Variants in PTGS1 observed in about 807,000 individuals in gnomAD.
The protein encoded by PTGS1 is prostaglandin-endoperoxide synthase 1.
Under a neutral mutation model 63.0 loss-of-function variants are expected in PTGS1, and 40 were observed. The observed-to-expected ratio is 0.63, with a 90% CI of 0.49 to 0.83. The LOEUF is 0.83. Ranked by LOEUF, PTGS1 falls within the 40% of genes least tolerant of loss-of-function variation. The probability of loss-of-function intolerance (pLI) is 0.00; values close to 1 mark genes in which losing one functional copy is unlikely to be tolerated. For synonymous variants in PTGS1, 298 were observed against 301.9 expected, an observed-to-expected ratio of 0.99 and a Z score of 0.13; for missense variants, 709 against 786.5, an observed-to-expected ratio of 0.90 and a Z score of 1.18.
chr9:122,376,752 G>GT (rs1837192701), intron 2 of PTGS1, among the ~76,000 whole-genome samples: 1 of 152,208 alleles, frequency 6.6e-6, no homozygotes, highest in Admixed American at 6.5e-5. Flanking sequence ...TTTTTGGTCT[G>GT]CCCAGCTCTG....
In PTGS1 at chr9:122,381,654, C is replaced by G; in HGVS notation, c.679-10C>G. The G allele has an allele frequency of 6.2e-7, 1 of 1,614,064 alleles. No homozygotes were observed. The highest frequency in any genetic ancestry group is 8.5e-7 in the Non-Finnish European group (1 of 1,179,880). On this transcript the variant is annotated splice_polypyrimidine_tract_variant and intron_variant, in intron 6 of 10. Coordinates refer to ENST00000362012, the MANE Select transcript of PTGS1 (RefSeq NM_000962.4). ...CCTGGTGACCTGAGGGAACCCCTCT[C>G]TGTCCACAGGTAGACCTCGGCCACA...
At chr9:122,376,178 C>G (rs928601083) in intron 2 of PTGS1, among the ~76,000 whole-genome samples, 46 of 152,280 alleles carry the variant, frequency 3.0e-4, no homozygotes, top group African/African-American at 1.1e-3. Flanking sequence ...GGCCCTTTCC[C>G]TGGATCCTGC....
At chr9:122,377,801 A>T in intron 2 of PTGS1, 98 bp from the exon 3 acceptor site, 1 of 1,091,518 alleles carries the variant, frequency 9.2e-7, no homozygotes, top group Non-Finnish European at 1.4e-6. Context: ...GCTGCGACTT[A>T]AGTCCATGCC....
chr9:122,377,710 G>C (rs1284449046), intron 2 of PTGS1, among the ~76,000 whole-genome samples, 189 bp from the exon 3 acceptor site: 2 of 152,196 alleles, frequency 1.3e-5, no homozygotes, highest in African/African-American at 4.8e-5. Flanking sequence ...GTCAGGATGG[G>C]TGGTTTATGT....
intron 2 of PTGS1, among the ~76,000 whole-genome samples, chr9:122,376,613 A>C (rs138358073): frequency 5.3e-5 from 8 of 152,246 alleles, no homozygotes; most frequent in Non-Finnish European, 8.8e-5. Context: ...TGCAATAACC[A>C]GTTGCACAAA....
rs201540066 is a variant in PTGS1 at position 122,371,061 on chromosome 9, G to A, written c.-24G>A. On this transcript the variant is annotated 5_prime_UTR_variant, in exon 1 of 11. Coordinates refer to ENST00000362012, the MANE Select transcript of PTGS1 (RefSeq NM_000962.4). Reference sequence around the variant, plus strand: ...GCACGCACAGGAGCCTGCACTCTGCGTCCCGCACCCCAGCAGCCGCGCCAT... The same window carrying A: ...GCACGCACAGGAGCCTGCACTCTGCATCCCGCACCCCAGCAGCCGCGCCAT... 1.4e-4 allele frequency: 221 copies of A among 1,589,654 alleles called. No homozygotes were observed. In the African/African-American group the frequency reaches 2.6e-3, roughly 18 times the overall value.
intron 7 of PTGS1, 84 bp downstream of exon 7, chr9:122,381,831 GTCA>G: frequency 7.0e-7 from 1 of 1,421,786 alleles, no homozygotes; most frequent in East Asian, 2.4e-5. Context: ...GGGGGTCTGG[GTCA>G]TGTCCTGAGA....
rs922753840 is a variant in PTGS1, at chr9:122,386,379, G to A, written c.1010-67G>A. ...GCAAGCACCTCTCATGAACTGGCCT[G>A]CTTTCCAAGCTGGGCATCTAAATCA... On this transcript the variant is annotated intron_variant, in intron 8 of 10. Transcript: ENST00000362012. 3.2e-5 allele frequency: 49 copies of A among 1,551,670 alleles called. No homozygotes were observed. The African/African-American group carries it at 6.1e-4, about 19-fold the overall frequency.
chr9:122,384,628 C>A (rs1437168483), intron 8 of PTGS1, among the ~76,000 whole-genome samples: 1 of 152,112 alleles, frequency 6.6e-6, no homozygotes, highest in Non-Finnish European at 1.5e-5. Context: ...GGTATGATTA[C>A]CCTGTGAAAA....
chr9:122,388,909 G>A (rs1258870486), intron 9 of PTGS1, among the ~76,000 whole-genome samples: 4 of 152,230 alleles, frequency 2.6e-5, no homozygotes, highest in South Asian at 2.1e-4. Flanking sequence ...ATGCATTCAC[G>A]GATGCAGAGA....
chr9:122,374,683 G>T (rs963051400), intron 2 of PTGS1, among the ~76,000 whole-genome samples: 2 of 152,198 alleles, frequency 1.3e-5, no homozygotes, highest in Non-Finnish European at 2.9e-5. Flanking sequence ...GGTTGTGGCA[G>T]GAGATGGTGA....
Position 122,381,659 on chromosome 9 carries a change from C to T in PTGS1, c.679-5C>T, listed in dbSNP as rs747992698. ...TGACCTGAGGGAACCCCTCTCTGTCCACAGGTAGACCTCGGCCACATTTAT... is the reference window on the plus strand; with the variant it reads ...TGACCTGAGGGAACCCCTCTCTGTCTACAGGTAGACCTCGGCCACATTTAT... On this transcript the variant is annotated splice_polypyrimidine_tract_variant and splice_region_variant and intron_variant, in intron 6 of 10. Coordinates refer to ENST00000362012, the MANE Select transcript of PTGS1 (RefSeq NM_000962.4). The T allele has an allele frequency of 6.2e-7, 1 of 1,614,104 alleles. No homozygotes were observed. Among genetic ancestry groups the T allele is most frequent in the East Asian group, 2.2e-5 (1 of 44,884 alleles).
At chr9:122,383,832 G>C in intron 8 of PTGS1, 77 bp downstream of exon 8, 1 of 1,554,334 alleles carries the variant, frequency 6.4e-7, no homozygotes, top group Admixed American at 1.7e-5. Flanking sequence ...GGGGTACTTA[G>C]AGGTGGAGGC....
intron 9 of PTGS1, among the ~76,000 whole-genome samples, 157 bp downstream of exon 9, chr9:122,386,889 A>G (rs755863632): frequency 3.9e-5 from 6 of 152,134 alleles, no homozygotes; most frequent in Non-Finnish European, 8.8e-5. Context: ...TCATTTGTCC[A>G]TTCCACAATA....
chr9:122,380,599 T>A (rs1837452205), intron 5 of PTGS1, among the ~76,000 whole-genome samples: 1 of 152,194 alleles, frequency 6.6e-6, no homozygotes, highest in African/African-American at 2.4e-5. Flanking sequence ...CCACACACAT[T>A]TGTTTATGTG....
Position 122,383,716 on chromosome 9 carries a change from G to C in PTGS1, c.970G>C (p.Asp324His). 1 of 1,613,560 alleles carries C rather than the reference G, an allele frequency of 6.2e-7. No individual in the cohort carries two copies. Among genetic ancestry groups the C allele is most frequent in the Non-Finnish European group, 8.5e-7 (1 of 1,179,998 alleles). The change falls in exon 8 of 11, where the codon GAT becomes CAT. Residue 324 changes from aspartate to histidine, a missense_variant. By Grantham distance (81) the Asp-to-His change is moderately conservative. Transcript: ENST00000362012. ...GAAGGCTGAGCACCCCACCTGGGGCGATGAGCAGCTTTTCCAGACGACCCG... is the reference window on the plus strand; with the variant it reads ...GAAGGCTGAGCACCCCACCTGGGGCCATGAGCAGCTTTTCCAGACGACCCG... ...LLKAEHPTWGDEQLFQTTRLI... is the reference protein window; with the variant it reads ...LLKAEHPTWGHEQLFQTTRLI...
intron 2 of PTGS1, chr9:122,375,235 G>GAGGGAGGAGCTGGAC (rs1837052940): frequency 4.2e-6 from 4 of 951,728 alleles, no homozygotes; most frequent in South Asian, 4.8e-5. Context: ...AGCTGGATGG[G>GAGGGAGGAGCTGGAC]CCGGACTGGG....
intron 2 of PTGS1, among the ~76,000 whole-genome samples, chr9:122,376,595 T>C (rs1308296265): frequency 6.6e-6 from 1 of 152,144 alleles, no homozygotes; most frequent in Non-Finnish European, 1.5e-5. Context: ...TTCACTACCC[T>C]TTTGACCTGC....
In PTGS1 at chr9:122,392,582, T is replaced by C. The variant is rs1424975382; in HGVS notation, c.*38T>C. On this transcript the variant is annotated 3_prime_UTR_variant, in exon 11 of 11. Transcript: ENST00000362012. ...CAGCATTCTGGAGGGGAGAGCTTTG[T>C]GCTTGTCATTCCAGAGTGCTGAGGC... is the stretch of plus-strand genomic sequence containing the variant. The C allele has an allele frequency of 6.4e-7, 1 of 1,572,284 alleles. No homozygotes were observed. Among genetic ancestry groups the C allele is most frequent in the African/African-American group, 1.4e-5 (1 of 73,880 alleles).
Sources: gnomAD v4.1 joint callset for allele counts (sites outside exome capture counted in the v4.1 genomes callset) on GRCh38, gnomAD v4.1.1 for gene constraint, MANE v1.5 for transcripts, NCBI Gene and HGNC (gene_info 2026-07-23, HGNC 2026-07-21) for gene names.